The following BRINP1 variants were observed in gnomAD, a reference collection of about 807,000 sequenced individuals.
BRINP1 encodes the protein BMP/retinoic acid-inducible neural-specific protein 1.
BRINP1 carries 17 observed loss-of-function variants against 72.9 expected under a neutral mutation model. The observed-to-expected ratio is 0.23, with a 90% CI of 0.16 to 0.35. The LOEUF (loss-of-function observed/expected upper bound fraction) is 0.35, where lower values mean the gene tolerates loss of function less well. Among genes scored for constraint, BRINP1 ranks in the 10% least tolerant of loss-of-function variants. The pLI, the probability that BRINP1 is intolerant of heterozygous loss-of-function variation, is 1.00. For synonymous variants in BRINP1, 418 were observed against 378.5 expected (o/e 1.10, Z -1.21); for missense variants, 850 against 1,001.6 (o/e 0.85, Z 2.04).
At chr9:119,248,463 G>A (rs1361624621) in intron 3 of BRINP1, among the ~76,000 whole-genome samples, 3 of 152,164 alleles carry the variant, frequency 2.0e-5, no homozygotes, top group African/African-American at 7.2e-5. Flanking sequence ...TGATGGGGAG[G>A]GATGGGTAAG....
chr9:119,307,496 G>C (rs1240793692), intron 2 of BRINP1, among the ~76,000 whole-genome samples: 1 of 152,078 alleles, frequency 6.6e-6, no homozygotes, highest in East Asian at 1.9e-4. Flanking sequence ...AAGAACAAAA[G>C]GTTTGTGATG....
intron 1 of BRINP1, among the ~76,000 whole-genome samples, chr9:119,343,879 C>A (rs1033297964): frequency 6.6e-6 from 1 of 152,176 alleles, no homozygotes; most frequent in Non-Finnish European, 1.5e-5. Context: ...ATATGTTGTT[C>A]TCAAGGCCTG....
intron 2 of BRINP1, among the ~76,000 whole-genome samples, chr9:119,278,310 C>CA (rs148706425): frequency 0.015 from 2,329 of 152,304 alleles, 43 homozygotes; most frequent in African/African-American, 0.054. Context: ...GCACTGGCTG[C>CA]GTTTGGAGCC....
chr9:119,214,189 G>A (rs564282247), intron 5 of BRINP1, 34 bp from the exon 6 acceptor site: 3 of 1,519,026 alleles, frequency 2.0e-6, no homozygotes, highest in East Asian at 2.3e-5. Flanking sequence ...AAAACAGAAA[G>A]GTTTAAAAAA....
chr9:119,294,270 C>T (rs146179681), intron 2 of BRINP1, among the ~76,000 whole-genome samples: 125 of 152,288 alleles, frequency 8.2e-4, no homozygotes, highest in Admixed American at 1.7e-3. Context: ...GTGGCTCATG[C>T]CTGTAATCCC....
chr9:119,247,574 G>A (rs1588176577), intron 3 of BRINP1, among the ~76,000 whole-genome samples: 1 of 150,684 alleles, frequency 6.6e-6, no homozygotes, highest in East Asian at 2.0e-4. Flanking sequence ...AGAATGGCGT[G>A]AACCCGGGAG....
intron 1 of BRINP1, among the ~76,000 whole-genome samples, chr9:119,325,378 C>G (rs1189976371): frequency 1.3e-5 from 2 of 152,150 alleles, no homozygotes; most frequent in Non-Finnish European, 2.9e-5. Context: ...CTGTGAGAAG[C>G]TTGGGACTTT....
chr9:119,182,651 AAG>A (rs1205346361), intron 7 of BRINP1, among the ~76,000 whole-genome samples: 1 of 152,184 alleles, frequency 6.6e-6, no homozygotes, highest in African/African-American at 2.4e-5. Flanking sequence ...GTGAACCCAA[AAG>A]CCCTTACCAG....
intron 6 of BRINP1, among the ~76,000 whole-genome samples, chr9:119,212,100 T>C (rs1005995269): frequency 7.9e-5 from 12 of 152,178 alleles, no homozygotes; most frequent in African/African-American, 2.7e-4. Flanking sequence ...TCATAGTACA[T>C]TTCCATCATG....
intron 5 of BRINP1, among the ~76,000 whole-genome samples, chr9:119,232,622 T>C (rs10818290): frequency 0.48 from 73,078 of 151,910 alleles, 17,954 homozygotes; most frequent in East Asian, 0.68. Context: ...TTCACTGCTG[T>C]ATATCTGGCT....
chr9:119,367,265 AT>A (rs920817301), intron 1 of BRINP1, among the ~76,000 whole-genome samples: 3 of 101,908 alleles, frequency 2.9e-5, no homozygotes, highest in Admixed American at 1.2e-4. Flanking sequence ...ATATGTGTAC[AT>A]TTTTTAGGCC....
chr9:119,210,671 A>G (rs2118873446), intron 6 of BRINP1, among the ~76,000 whole-genome samples: 1 of 152,338 alleles, frequency 6.6e-6, no homozygotes, highest in Non-Finnish European at 1.5e-5. Flanking sequence ...ATAAAAGGTG[A>G]TAAAAAATAG....
intron 1 of BRINP1, among the ~76,000 whole-genome samples, chr9:119,351,463 C>A (rs573243230): frequency 1.8e-4 from 27 of 152,168 alleles, no homozygotes; most frequent in South Asian, 6.2e-4. Context: ...AAAAAAAAGT[C>A]TTGGCAATAC....
intron 2 of BRINP1, among the ~76,000 whole-genome samples, chr9:119,273,641 C>T (rs1024263856): frequency 6.6e-6 from 1 of 152,084 alleles, no homozygotes; most frequent in East Asian, 1.9e-4. Context: ...TCCAGAGTTC[C>T]AATATTCACA....
Position 119,332,903 on chromosome 9 carries a change from G to C in BRINP1, c.-50-19498C>G, listed in dbSNP as rs140449580. On this transcript the variant is annotated intron_variant, in intron 1 of 7. Transcript: ENST00000265922. ...AGAGGTTGTTATATAACAAGTTTACGGTAATAGCTAACAGATACACTAGGT... is the reference window on the plus strand; with the variant it reads ...AGAGGTTGTTATATAACAAGTTTACCGTAATAGCTAACAGATACACTAGGT... Among the ~76,000 whole-genome samples the C allele has an allele frequency of 5.9e-5, 9 of 152,206 alleles. No homozygotes were observed. The South Asian group carries it at 1.5e-3, about 25-fold the overall frequency.
In BRINP1 at chr9:119,166,908, G is replaced by T; in HGVS notation, c.*176C>A. On this transcript the variant is annotated 3_prime_UTR_variant, in exon 8 of 8. Coordinates refer to ENST00000265922, the MANE Select transcript of BRINP1 (RefSeq NM_014618.3). ...TATAGAAATAACAAACATGCCCAAC[G>T]CTTTTATACAGTTGCTAGAACGTTT... The T allele has an allele frequency of 1.5e-6, 1 of 672,554 alleles. No individual in the cohort carries two copies. The allele number at this position is 672,554 out of a possible 1,614,324, so 41.7% of individuals were successfully genotyped here.
chr9:119,291,101 C>T lies in BRINP1; in HGVS notation c.218+22037G>A, dbSNP rs936634008. 7.8e-5 allele frequency among the ~76,000 whole-genome samples: 11 copies of T among 141,886 alleles called. No homozygotes were observed. In the South Asian group the frequency reaches 8.8e-4, roughly 11 times the overall value. 93.1% of individuals were successfully genotyped at this position (141,886 alleles called of 152,430 possible). On this transcript the variant is annotated intron_variant, in intron 2 of 7. Coordinates refer to ENST00000265922, the MANE Select transcript of BRINP1 (RefSeq NM_014618.3). The stretch of plus-strand genomic sequence containing the variant: ...TCGCGCCACTGCACTCCAGCCAGGG[C>T]GACAAGAATGAACTCCATCTCAAAA...
In BRINP1 at chr9:119,369,405, G is replaced by GT. The variant is rs1319674048; in HGVS notation, c.-401dup. 5.1e-6 allele frequency: 2 copies of GT among 395,864 alleles called. No individual in the cohort carries two copies. The highest frequency in any genetic ancestry group is 4.1e-5 in the African/African-American group (2 of 48,554). 24.5% of individuals were successfully genotyped at this position (395,864 alleles called of 1,614,324 possible). Reference sequence around the variant, plus strand: ...CCGCGCGCCAGATCAGTTTGCAGCCGTGGGGTCCGGGAGCGAGGCGGCTGG... The same window carrying GT: ...CCGCGCGCCAGATCAGTTTGCAGCCGTTGGGGTCCGGGAGCGAGGCGGCTGG... On this transcript the variant is annotated 5_prime_UTR_variant, in exon 1 of 8. Transcript: ENST00000265922.
chr9:119,343,227 G>T (rs1014432093), intron 1 of BRINP1, among the ~76,000 whole-genome samples: 3 of 152,202 alleles, frequency 2.0e-5, no homozygotes, highest in African/African-American at 7.2e-5. Context: ...TGTATAAAGT[G>T]CAGATGCAAA....
Sources: allele counts gnomAD v4.1 joint callset (sites outside exome capture counted in the v4.1 genomes callset), GRCh38; gene constraint gnomAD v4.1.1; transcripts MANE v1.5; gene names NCBI Gene and HGNC (gene_info 2026-07-23, HGNC 2026-07-21).